The following CFAP54 variants were observed in gnomAD, a reference collection of about 807,000 sequenced individuals.
CFAP54 encodes the protein cilia and flagella associated protein 54.
A neutral mutation model predicts 370.4 loss-of-function variants in CFAP54; 290 were observed. The observed-to-expected ratio is 0.78, with a 90% confidence interval of 0.71 to 0.86. CFAP54 has a LOEUF of 0.86. CFAP54 is among the 40% of genes least tolerant of loss of function. The pLI is 0.00. For synonymous variants in CFAP54, 1,206 were observed against 1,236.5 expected, an observed-to-expected ratio of 0.98 and a Z score of 0.52; for missense variants, 3,399 against 3,528.7, an observed-to-expected ratio of 0.96 and a Z score of 0.93.
chr12:96,505,296 T>C (rs888957482), intron 3 of CFAP54, among the ~76,000 whole-genome samples: 3 of 151,952 alleles, frequency 2.0e-5, no homozygotes, highest in African/African-American at 7.3e-5. Flanking sequence ...ACTCCTGACC[T>C]CATGATCCAC....
chr12:96,620,382 G>A (rs1047144497), intron 26 of CFAP54, among the ~76,000 whole-genome samples: 3 of 152,160 alleles, frequency 2.0e-5, no homozygotes, highest in Non-Finnish European at 4.4e-5. Flanking sequence ...TAAGTCTCAC[G>A]ATATCCGACA....
intron 46 of CFAP54, among the ~76,000 whole-genome samples, 164 bp from the exon 47 acceptor site, chr12:96,704,579 G>A (rs1261870062): frequency 6.9e-6 from 1 of 145,570 alleles, no homozygotes; most frequent in East Asian, 2.0e-4. Context: ...GTTGACTTAT[G>A]TATGATTTTT....
chr12:96,680,516 A>G (rs2371222), intron 40 of CFAP54, among the ~76,000 whole-genome samples: 108,516 of 152,096 alleles, frequency 0.71, 39,651 homozygotes, highest in African/African-American at 0.87. Flanking sequence ...ATGTAAAATA[A>G]TATAAAGTTA....
At chr12:96,713,049 G>A (rs1369548572) in intron 48 of CFAP54, among the ~76,000 whole-genome samples, 1 of 152,202 alleles carries the variant, frequency 6.6e-6, no homozygotes, top group African/African-American at 2.4e-5. Flanking sequence ...AGATGCTGGT[G>A]AGGATGTGGA....
At chr12:96,640,782 G>C (rs897045187) in intron 32 of CFAP54, among the ~76,000 whole-genome samples, 3 of 152,106 alleles carry the variant, frequency 2.0e-5, no homozygotes, top group Non-Finnish European at 4.4e-5. Context: ...CATATCTACA[G>C]CTATCTGATC....
At chr12:96,729,519 C>T (rs980283039) in intron 50 of CFAP54, among the ~76,000 whole-genome samples, 4 of 152,242 alleles carry the variant, frequency 2.6e-5, no homozygotes, top group Non-Finnish European at 4.4e-5. Flanking sequence ...TCCTGGTGCG[C>T]TGTTTCCTAA....
chr12:96,593,272 T>C (rs76714044), intron 24 of CFAP54, among the ~76,000 whole-genome samples: 2 of 152,188 alleles, frequency 1.3e-5, no homozygotes, highest in Non-Finnish European at 2.9e-5. Flanking sequence ...TATTTTTTTT[T>C]CATTCCTGCT....
At chr12:96,650,417 T>C (rs1592687163) in intron 35 of CFAP54, among the ~76,000 whole-genome samples, 1 of 152,286 alleles carries the variant, frequency 6.6e-6, no homozygotes, top group South Asian at 2.1e-4. Flanking sequence ...AAGGGGTTCC[T>C]CTATGGGGAC....
At chr12:96,835,129 G>A (rs79418995) in intron 66 of CFAP54, among the ~76,000 whole-genome samples, 2 of 152,088 alleles carry the variant, frequency 1.3e-5, no homozygotes, top group African/African-American at 4.8e-5. Flanking sequence ...GCAGAGAATA[G>A]GCCCTGGAGT....
chr12:96,552,436 C>T (rs932799062), intron 15 of CFAP54, among the ~76,000 whole-genome samples: 8 of 151,856 alleles, frequency 5.3e-5, no homozygotes, highest in South Asian at 2.1e-4. Flanking sequence ...CTCTGCCTCC[C>T]GGGTTCAAGT....
chr12:96,540,610 A>G, intron 13 of CFAP54, among the ~76,000 whole-genome samples: 1 of 152,252 alleles, frequency 6.6e-6, no homozygotes, highest in East Asian at 1.9e-4. Context: ...AAATGAATCT[A>G]CTTTATGAAT....
chr12:96,647,021 G>A (rs1956801921), intron 33 of CFAP54: 1 of 152,058 alleles, frequency 6.6e-6, no homozygotes, highest in South Asian at 2.1e-4. Context: ...GTTAATGGGT[G>A]CAGCACACCA....
intron 62 of CFAP54, 103 bp downstream of exon 62, chr12:96,787,001 C>A: frequency 1.1e-6 from 1 of 886,230 alleles, no homozygotes; most frequent in Non-Finnish European, 1.7e-6. Context: ...CAGATTTCTA[C>A]TTCTCTCAGA....
At chr12:96,512,499 C>A (rs562930478) in intron 4 of CFAP54, among the ~76,000 whole-genome samples, 1 of 151,572 alleles carries the variant, frequency 6.6e-6, no homozygotes, top group African/African-American at 2.4e-5. Flanking sequence ...CATGCCACCA[C>A]GCCCGGCTAA....
chr12:96,708,986 A>G (rs552581448), intron 48 of CFAP54, among the ~76,000 whole-genome samples, 183 bp downstream of exon 48: 143 of 152,328 alleles, frequency 9.4e-4, no homozygotes, highest in African/African-American at 3.2e-3. Flanking sequence ...GTTTATATAT[A>G]TATCCATATT....
intron 57 of CFAP54, among the ~76,000 whole-genome samples, chr12:96,756,907 C>T (rs1484802569): frequency 6.6e-6 from 1 of 151,100 alleles, no homozygotes; most frequent in Non-Finnish European, 1.5e-5. Flanking sequence ...TGTGAATTCA[C>T]TCTGGTCATC....
chr12:96,597,164 T>C (rs1956189102), intron 25 of CFAP54, among the ~76,000 whole-genome samples: 2 of 152,088 alleles, frequency 1.3e-5, no homozygotes, highest in Non-Finnish European at 2.9e-5. Context: ...CTGCTAGTAA[T>C]TTATCCTGTA....
rs139842940 is a variant in CFAP54, at chr12:96,873,082, G to C, written c.*15-2036G>C. Among the ~76,000 whole-genome samples the C allele has an allele frequency of 3.4e-3, 521 of 152,314 alleles. 4 individuals are homozygous for C. The highest frequency in any genetic ancestry group is 0.012 in the African/African-American group (493 of 41,566). Reference sequence around the variant, plus strand: ...TACTAAACTCACAAAAATGATGGTTGTAAAATGTGTTTGAATGTTTGAGAA... The same window carrying C: ...TACTAAACTCACAAAAATGATGGTTCTAAAATGTGTTTGAATGTTTGAGAA... On this transcript the variant is annotated intron_variant, in intron 67 of 67. Coordinates refer to ENST00000524981, the MANE Select transcript of CFAP54 (RefSeq NM_001306084.2).
rs1409514449 is a variant in CFAP54 at position 96,603,110 on chromosome 12, A to G, written c.3639+4343A>G. Among the ~76,000 whole-genome samples, 3 of 151,974 alleles carry G rather than the reference A, an allele frequency of 2.0e-5. No individual in the cohort carries two copies. The East Asian group carries it at 5.8e-4, about 29-fold the overall frequency. On this transcript the variant is annotated intron_variant, in intron 26 of 67. Coordinates refer to ENST00000524981, the MANE Select transcript of CFAP54 (RefSeq NM_001306084.2). ...TGGCTGGTACCAGTTGTTCCTTTCT[A>G]TGTTTAGTGCTTCCTTCAGGAGCTC...
Sources: gnomAD v4.1 joint callset for allele counts (sites outside exome capture counted in the v4.1 genomes callset) on GRCh38, gnomAD v4.1.1 for gene constraint, MANE v1.5 for transcripts, NCBI Gene and HGNC (gene_info 2026-07-23, HGNC 2026-07-21) for gene names.